Variants in EPCAM observed in about 807,000 individuals in gnomAD.
The protein encoded by EPCAM is adenocarcinoma-associated antigen.
EPCAM carries 39 observed loss-of-function variants against 40.0 expected under a neutral mutation model. That is an observed-to-expected ratio of 0.98 (90% CI 0.76 to 1.27). EPCAM has a LOEUF of 1.27. EPCAM is among the 50% of genes most tolerant of loss of function. The pLI is 0.00. For missense variants in EPCAM, 503 were observed against 381.2 expected (o/e 1.32, Z -2.66); for synonymous variants, 168 against 132.3 (o/e 1.27, Z -1.85).
At chr2:47,383,805 T>C (rs1192421488) in intron 7 of EPCAM, among the ~76,000 whole-genome samples, 2 of 150,918 alleles carry the variant, frequency 1.3e-5, no homozygotes, top group Admixed American at 1.3e-4. Context: ...TGGCTAATTT[T>C]TTTGTATTTC....
At chr2:47,379,559 C>A (rs1423241575) in intron 6 of EPCAM, among the ~76,000 whole-genome samples, 4 of 152,130 alleles carry the variant, frequency 2.6e-5, no homozygotes, top group South Asian at 2.1e-4. Context: ...GGTACATGGG[C>A]ATCATTGCAC....
At chr2:47,374,749 C>G (rs942413797) in intron 3 of EPCAM, among the ~76,000 whole-genome samples, 3 of 151,996 alleles carry the variant, frequency 2.0e-5, no homozygotes, top group Non-Finnish European at 2.9e-5. Flanking sequence ...GTTCAAGCAA[C>G]TCTCCTGCCT....
rs371114460 is a variant in EPCAM, at chr2:47,384,753, C to T, written c.859-413C>T. Among the ~76,000 whole-genome samples the T allele has an allele frequency of 2.0e-5, 3 of 152,292 alleles. No homozygotes were observed. In the East Asian group the frequency reaches 5.8e-4, roughly 29 times the overall value. ...ACAGGGTCTTACTCTGTAGCCCAGG[C>T]TGGAGAGCAGTGATGCCATCTCCAC... On this transcript the variant is annotated intron_variant, in intron 7 of 8. Transcript: ENST00000263735.
intron 3 of EPCAM, among the ~76,000 whole-genome samples, chr2:47,374,688 G>C (rs992189379): frequency 3.3e-5 from 5 of 151,620 alleles, no homozygotes; most frequent in African/African-American, 9.7e-5. Flanking sequence ...TTGTTGCCCA[G>C]GTTGGAGTGC....
chr2:47,375,018 G>A (rs913405105), intron 3 of EPCAM, among the ~76,000 whole-genome samples: 1 of 152,152 alleles, frequency 6.6e-6, no homozygotes, highest in Non-Finnish European at 1.5e-5. Flanking sequence ...TTTATGTATT[G>A]TGTCCAGAGA....
chr2:47,386,731 T>A lies in EPCAM; in HGVS notation c.*118T>A. ...ATGAGTTTGTTAGTTTAACATCATA[T>A]ATTTGTAATAGTGAAACCTGTACTC... On this transcript the variant is annotated 3_prime_UTR_variant, in exon 9 of 9. Coordinates refer to ENST00000263735, the MANE Select transcript of EPCAM (RefSeq NM_002354.3). 1.3e-6 allele frequency: 1 copy of A among 794,984 alleles called. No individual in the cohort carries two copies. The highest frequency in any genetic ancestry group is 2.1e-6 in the Non-Finnish European group (1 of 465,904). 49.2% of individuals were successfully genotyped at this position (794,984 alleles called of 1,614,324 possible).
At chr2:47,382,964 G>T (rs1480621180) in intron 7 of EPCAM, among the ~76,000 whole-genome samples, 1 of 151,814 alleles carries the variant, frequency 6.6e-6, no homozygotes, top group Non-Finnish European at 1.5e-5. Context: ...GGAGGATGTG[G>T]AAGAATGCAC....
chr2:47,383,629 T>TGAGA, intron 7 of EPCAM, among the ~76,000 whole-genome samples: 1 of 86,616 alleles, frequency 1.2e-5, no homozygotes, highest in Non-Finnish European at 2.3e-5. Flanking sequence ...TTTTTTTTTT[T>TGAGA]TTTTTTTTTT....
intron 7 of EPCAM, among the ~76,000 whole-genome samples, chr2:47,383,621 T>C (rs1671657388): frequency 1.2e-4 from 8 of 67,934 alleles, no homozygotes; most frequent in African/African-American, 4.7e-4. Context: ...TTTTTTTTTT[T>C]TTTTTTTTTT....
chr2:47,369,732 G>A (rs1179615421), intron 1 of EPCAM, 151 bp downstream of exon 1: 1 of 844,384 alleles, frequency 1.2e-6, no homozygotes, highest in Non-Finnish European at 2.0e-6. Flanking sequence ...CCGTGCTCCG[G>A]CTCAGGCCCT....
chr2:47,369,749 G>C (rs1671173426), intron 1 of EPCAM, 168 bp downstream of exon 1: 1 of 764,386 alleles, frequency 1.3e-6, no homozygotes, highest in South Asian at 1.5e-5. Flanking sequence ...CCCTCCGCGC[G>C]GTAGGAAACG....
intron 5 of EPCAM, 51 bp downstream of exon 5, chr2:47,377,128 G>A (rs2103753673): frequency 8.2e-7 from 1 of 1,214,532 alleles, no homozygotes; most frequent in Non-Finnish European, 1.2e-6. Flanking sequence ...GAGACAGTAT[G>A]TTTTGAGTAT....
chr2:47,374,170 A>G (rs1671361586), intron 3 of EPCAM, 122 bp downstream of exon 3: 21 of 1,207,082 alleles, frequency 1.7e-5, no homozygotes, highest in Non-Finnish European at 2.5e-5. Flanking sequence ...TGTCCAGTGA[A>G]AAGCTTCCTT....
At chr2:47,384,292 T>C (rs1167500959) in intron 7 of EPCAM, among the ~76,000 whole-genome samples, 1 of 150,322 alleles carries the variant, frequency 6.7e-6, no homozygotes, top group African/African-American at 2.5e-5. Context: ...TTAGTAGAGA[T>C]GAGGTTTCAC....
At chr2:47,372,104 A>ATCT (rs1288757655) in intron 1 of EPCAM, among the ~76,000 whole-genome samples, 2 of 152,226 alleles carry the variant, frequency 1.3e-5, no homozygotes, top group African/African-American at 4.8e-5. Context: ...TGGGCTGCTT[A>ATCT]GTATCACTTT....
At position 47,374,194 on chromosome 2, in the gene EPCAM, C is replaced by A. The variant is rs527502778; in HGVS notation, c.425+146C>A. ...AAAAGCTTCCTTCTCATTCCAGTCC[C>A]CCTCGCTACCCATTGGACCTCCACA... On this transcript the variant is annotated intron_variant, in intron 3 of 8. Transcript: ENST00000263735. 2.0e-4 allele frequency: 179 copies of A among 894,840 alleles called. No individual in the cohort carries two copies. The African/African-American group carries it at 2.7e-3, about 13-fold the overall frequency. The allele number at this position is 894,840 out of a possible 1,614,324, so 55.4% of individuals were successfully genotyped here.
intron 2 of EPCAM, 46 bp downstream of exon 2, chr2:47,373,616 TA>T (rs759467720): frequency 8.0e-6 from 12 of 1,495,166 alleles, no homozygotes; most frequent in Non-Finnish European, 1.1e-5. Flanking sequence ...TTTGACTTAA[TA>T]CTTCTTTAAT....
intron 5 of EPCAM, among the ~76,000 whole-genome samples, chr2:47,378,646 T>A (rs565322282): frequency 6.6e-6 from 1 of 152,302 alleles, no homozygotes; most frequent in African/African-American, 2.4e-5. Flanking sequence ...GTAGTTCTAA[T>A]CCAAATAAAA....
Position 47,374,013 on chromosome 2 carries a change from C to T in EPCAM, c.390C>T (p.Asp130=), listed in dbSNP as rs863224389. The T allele has an allele frequency of 1.2e-6, 2 of 1,614,194 alleles. No individual in the cohort carries two copies. The highest frequency in any genetic ancestry group is 1.7e-6 in the Non-Finnish European group (2 of 1,180,040). The change falls in exon 3 of 9, where the codon GAC becomes GAT. Residue 130 remains aspartate, a synonymous_variant. Transcript: ENST00000263735. ...CTGGGGTCAGAAGAACAGACAAGGA[C>T]ACTGAAATAACCTGCTCTGAGCGAG... ...NTAGVRRTDK[D]TEITCSERVR... is the part of the protein sequence containing the mutation.
Sources: gnomAD v4.1 joint callset for allele counts (sites outside exome capture counted in the v4.1 genomes callset) on GRCh38, gnomAD v4.1.1 for gene constraint, MANE v1.5 for transcripts, NCBI Gene and HGNC (gene_info 2026-07-23, HGNC 2026-07-21) for gene names.